The following NLRP13 variants were observed in gnomAD, a reference collection of about 807,000 sequenced individuals.
NLRP13 encodes NACHT, LRR and PYD domains-containing protein 13.
A neutral mutation model predicts 94.4 loss-of-function variants in NLRP13; 82 were observed. That is an observed-to-expected ratio of 0.87 (90% CI 0.73 to 1.04). NLRP13 has a LOEUF of 1.04. NLRP13 is among the 50% of genes least tolerant of loss of function. The pLI is 0.00. For synonymous variants in NLRP13, 553 were observed against 464.7 expected (o/e 1.19, Z -2.45); for missense variants, 1,426 against 1,230.8 (o/e 1.16, Z -2.37).
In NLRP13 at chr19:55,898,808, A is replaced by G. The variant is rs1293785548; in HGVS notation, c.2919T>C (p.Cys973=). The G allele has an allele frequency of 6.2e-7, 1 of 1,613,304 alleles. No individual in the cohort carries two copies. Among genetic ancestry groups the G allele is most frequent in the Admixed American group, 1.7e-5 (1 of 59,846 alleles). Reference sequence around the variant, plus strand: ...ATGCACGATGTGGTTTCAGAGCCTCACACAGTAGCTTCACTCCATCATCCT... The same window carrying G: ...ATGCACGATGTGGTTTCAGAGCCTCGCACAGTAGCTTCACTCCATCATCCT... ...DLQDDGVKLL[C]EALKPHRALH... is the part of the protein sequence containing the mutation. The change falls in exon 10 of 11, where the codon TGT becomes TGC. Residue 973 remains cysteine (C), a synonymous_variant. Transcript: ENST00000342929.
chr19:55,930,898 A>ATATATATATATATAT, intron 1 of NLRP13, among the ~76,000 whole-genome samples: 3 of 104,882 alleles, frequency 2.9e-5, no homozygotes, highest in Non-Finnish European at 5.6e-5. Context: ...ATATATATAT[A>ATATATATATATATAT]AAATTTTAAC....
chr19:55,913,058 T>A lies in NLRP13; in HGVS notation c.759A>T (p.Ala253=). Residue 253 remains alanine (A), a synonymous_variant, in exon 5 of 11, where the codon GCA becomes GCT. Transcript: ENST00000342929. Reference sequence around the variant, plus strand: ...ACCTTTGCTGAAAGAGAACTCCATTTGCCCAGTGCAGCATAGCCTGCATTG... The same window carrying A: ...ACCTTTGCTGAAAGAGAACTCCATTAGCCCAGTGCAGCATAGCCTGCATTG... The part of the protein sequence containing the change: ...TLAMQAMLHW[A]NGVLFQQRFS... 6.2e-7 allele frequency: 1 copy of A among 1,614,178 alleles called. No individual in the cohort carries two copies. Among genetic ancestry groups the A allele is most frequent in the Non-Finnish European group, 8.5e-7 (1 of 1,180,018 alleles).
chr19:55,914,238 G>A (rs954581763), intron 4 of NLRP13, among the ~76,000 whole-genome samples: 4 of 152,200 alleles, frequency 2.6e-5, no homozygotes, highest in Non-Finnish European at 1.5e-5. Flanking sequence ...TTGAGCTAGC[G>A]ATTCTTAGAG....
At chr19:55,907,451 G>A (rs1396617775) in intron 7 of NLRP13, among the ~76,000 whole-genome samples, 1 of 152,072 alleles carries the variant, frequency 6.6e-6, no homozygotes, top group Non-Finnish European at 1.5e-5. Flanking sequence ...ACACACCTGT[G>A]GGTACCAGCC....
intron 10 of NLRP13, among the ~76,000 whole-genome samples, chr19:55,898,212 G>GTTT (rs996847207): frequency 3.6e-5 from 1 of 28,076 alleles, no homozygotes; most frequent in African/African-American, 1.5e-4. Flanking sequence ...TTTTGTTTTT[G>GTTT]TTTTTTTTTT....
rs1346656839 is a variant in NLRP13, at chr19:55,911,882, G to A, written c.1935C>T (p.Ser645=). 5.6e-6 allele frequency: 9 copies of A among 1,613,982 alleles called. No individual in the cohort carries two copies. In the Middle Eastern group the frequency reaches 8.2e-4, roughly 147 times the overall value. ...TCTTCTTTGTGAAGTCTTCCTCCTG[G>A]GACTCGTGTAGGCAGTGAAAAAGTC... ...ILRLFHCLHE[S]QEEDFTKKML... Residue 645 remains serine, a synonymous_variant, in exon 5 of 11, where the codon TCC becomes TCT. Coordinates refer to ENST00000342929, the MANE Select transcript of NLRP13 (RefSeq NM_176810.2).
intron 1 of NLRP13, among the ~76,000 whole-genome samples, chr19:55,928,158 G>A (rs779766995): frequency 6.6e-6 from 1 of 152,148 alleles, no homozygotes; most frequent in Non-Finnish European, 1.5e-5. Context: ...GCCTTTAGAA[G>A]GCCAAGTAGG....
chr19:55,927,975 C>G (rs1434467748), intron 1 of NLRP13, among the ~76,000 whole-genome samples: 2 of 152,186 alleles, frequency 1.3e-5, no homozygotes, highest in African/African-American at 2.4e-5. Context: ...TATCCCACAA[C>G]ACTGGTCAAG....
chr19:55,917,853 C>A (rs1443178638), intron 4 of NLRP13, among the ~76,000 whole-genome samples: 3 of 152,028 alleles, frequency 2.0e-5, no homozygotes, highest in Non-Finnish European at 4.4e-5. Context: ...CTAGACAGAT[C>A]ATCAAGACAG....
intron 1 of NLRP13, 92 bp from the exon 2 acceptor site, chr19:55,925,127 A>T: frequency 8.8e-7 from 1 of 1,132,256 alleles, no homozygotes; most frequent in Non-Finnish European, 1.3e-6. Context: ...AACTCCTTCT[A>T]TGACAAACTG....
downstream of NLRP13, among the ~76,000 whole-genome samples, chr19:55,894,019 T>G (rs1985930731): frequency 6.7e-6 from 1 of 150,344 alleles, no homozygotes; most frequent in Non-Finnish European, 1.5e-5. Context: ...AGCTGTTAAC[T>G]GCTTACCTTT....
At chr19:55,908,041 A>T in intron 6 of NLRP13, 85 bp from the exon 7 acceptor site, 1 of 1,199,834 alleles carries the variant, frequency 8.3e-7, no homozygotes, top group Non-Finnish European at 1.2e-6. Context: ...CCTGCCTTCT[A>T]CTACACTCAC....
chr19:55,926,725 GA>G (rs763239882), intron 1 of NLRP13, among the ~76,000 whole-genome samples: 4 of 152,116 alleles, frequency 2.6e-5, no homozygotes, highest in Non-Finnish European at 5.9e-5. Flanking sequence ...GGTGGTGGGG[GA>G]AATCTTGGCC....
intron 3 of NLRP13, among the ~76,000 whole-genome samples, chr19:55,924,311 T>C (rs933272060): frequency 6.6e-6 from 1 of 151,976 alleles, no homozygotes; most frequent in East Asian, 1.9e-4. Context: ...TTAGTAGAGA[T>C]GGAGTTTCAT....
Position 55,924,961 on chromosome 19 carries a change from A to G in NLRP13, c.388+6T>C, listed in dbSNP as rs541670078. Reference sequence around the variant, plus strand: ...GTCCATTATCAACTTAAAGTAGTGTACACACCTGCTGCTGCTTCTAGCATC... The same window carrying G: ...GTCCATTATCAACTTAAAGTAGTGTGCACACCTGCTGCTGCTTCTAGCATC... On this transcript the variant is annotated splice_donor_region_variant and intron_variant, in intron 2 of 10. Coordinates refer to ENST00000342929, the MANE Select transcript of NLRP13 (RefSeq NM_176810.2). The G allele has an allele frequency of 6.2e-7, 1 of 1,613,268 alleles. No individual in the cohort carries two copies. The highest frequency in any genetic ancestry group is 2.2e-5 in the East Asian group (1 of 44,872).
intron 1 of NLRP13, among the ~76,000 whole-genome samples, chr19:55,930,898 A>ACACGTATATATATACATAT: frequency 4.8e-5 from 5 of 104,902 alleles, no homozygotes; most frequent in African/African-American, 1.5e-4. Flanking sequence ...ATATATATAT[A>ACACGTATATATATACATAT]AAATTTTAAC....
chr19:55,892,125 CA>C, downstream of NLRP13: 3 of 1,231,750 alleles, frequency 2.4e-6, no homozygotes, highest in Non-Finnish European at 3.0e-6. Context: ...TTGAAGCCTG[CA>C]AAATAAGAAG....
rs554693402 is a variant in NLRP13, at chr19:55,907,875, G to C, written c.2364C>G (p.Asn788Lys). ...TCATTCCCAGCTTGTTAGAGCTGAA[G>C]TTCAGATGGGTCAGCTTGCTGTTAC... Reference protein sequence around the residue: ...LQGNSKLTHLNFSSNKLGMTV... With the variant: ...LQGNSKLTHLKFSSNKLGMTV... The change falls in exon 7 of 11, where the codon AAC (asparagine) becomes AAG (lysine). Residue 788 changes from asparagine (N) to lysine (K), a missense_variant. By Grantham distance (94) the Asn-to-Lys change is moderately conservative. Transcript: ENST00000342929. 2.5e-6 allele frequency: 4 copies of C among 1,613,804 alleles called. No individual in the cohort carries two copies. The Admixed American group carries it at 6.7e-5, about 27-fold the overall frequency.
At chr19:55,902,331 CT>C in intron 8 of NLRP13, 126 bp from the exon 9 acceptor site, 2 of 721,084 alleles carry the variant, frequency 2.8e-6, no homozygotes, top group Non-Finnish European at 4.5e-6. Flanking sequence ...CAAGGTCTTT[CT>C]TTTTAGCTGG....
Sources: gnomAD v4.1 joint callset for allele counts (sites outside exome capture counted in the v4.1 genomes callset) on GRCh38, gnomAD v4.1.1 for gene constraint, MANE v1.5 for transcripts, NCBI Gene and HGNC (gene_info 2026-07-23, HGNC 2026-07-21) for gene names.